Variants in DGKH observed in about 807,000 individuals in gnomAD.
The protein encoded by DGKH is diacylglycerol kinase eta, also known as DAG kinase eta.
Under a neutral mutation model 159.3 loss-of-function variants are expected in DGKH, and 90 were observed. That is an observed-to-expected ratio of 0.57 (90% CI 0.48 to 0.67). DGKH has a LOEUF of 0.67. Among genes scored for constraint, DGKH ranks in the 30% least tolerant of loss-of-function variants. The probability of loss-of-function intolerance (pLI) is 0.00; values close to 1 mark genes in which losing one functional copy is unlikely to be tolerated. For synonymous variants in DGKH, 536 were observed against 553.8 expected (o/e 0.97, Z 0.45); for missense variants, 1,181 against 1,506.1 (o/e 0.78, Z 3.57).
Position 42,199,835 on chromosome 13 carries a change from T to G in DGKH, c.2419T>G (p.Trp807Gly). 1 of 1,603,278 alleles carries G rather than the reference T, an allele frequency of 6.2e-7. No homozygotes were observed. The highest frequency in any genetic ancestry group is 8.5e-7 in the Non-Finnish European group (1 of 1,177,196). Residue 807 changes from tryptophan (W) to glycine (G), a missense_variant, in exon 20 of 30, where the codon TGG becomes GGG. Transcript: ENST00000337343. Reference sequence around the variant, plus strand: ...CAGGAGCCGAACTAAAAACTTGATGTGGTATGGAGTCCTTGGAACCCGGGA... The same window carrying G: ...CAGGAGCCGAACTAAAAACTTGATGGGGTATGGAGTCCTTGGAACCCGGGA... Reference protein sequence around the residue: ...KCRSRTKNLMWYGVLGTRELL... With the variant: ...KCRSRTKNLMGYGVLGTRELL...
chr13:42,145,178 C>T (rs1470580957), intron 3 of DGKH, among the ~76,000 whole-genome samples: 1 of 152,140 alleles, frequency 6.6e-6, no homozygotes, highest in Non-Finnish European at 1.5e-5. Context: ...TTTGTGGTCT[C>T]TGGATCCAGT....
In DGKH at chr13:42,232,007, GAC is replaced by G. The variant is rs1162039501; in HGVS notation, c.*2822_*2823del. ...TGTGCAGGGCCCAAATGACTTCACT[GAC>G]ACCTGTTTCCAGGAGGGGGTCTTCA... is the stretch of plus-strand genomic sequence containing the variant. On this transcript the variant is annotated 3_prime_UTR_variant, in exon 30 of 30. Transcript: ENST00000337343. 4 of 152,312 alleles carry G rather than the reference GAC, an allele frequency of 2.6e-5. No individual in the cohort carries two copies. Among genetic ancestry groups the G allele is most frequent in the African/African-American group, 9.6e-5 (4 of 41,554 alleles). 9.4% of individuals were successfully genotyped at this position (152,312 alleles called of 1,614,324 possible).
chr13:42,133,165 T>G (rs9533006), intron 3 of DGKH, among the ~76,000 whole-genome samples: 1 of 144,030 alleles, frequency 6.9e-6, no homozygotes, highest in African/African-American at 2.7e-5. Context: ...AGCAAGACTT[T>G]GTCTCAAAAA....
rs57139526 is a variant in DGKH at position 42,146,150 on chromosome 13, C to CTTTTTTTT, written c.385-9130_385-9123dup. Among the ~76,000 whole-genome samples, 62 of 110,270 alleles carry CTTTTTTTT rather than the reference C, an allele frequency of 5.6e-4. 4 individuals carry two copies. The highest frequency in any genetic ancestry group is 5.4e-3 in the Middle Eastern group (1 of 184). The allele number at this position is 110,270 out of a possible 152,430, so 72.3% of individuals were successfully genotyped here. ...TGTAAGAGTTCAGATTCTGGGGAGG[C>CTTTTTTTT]TTTTTTTTTTTTTTTTTTGTACAGG... On this transcript the variant is annotated intron_variant, in intron 3 of 29. Transcript: ENST00000337343.
chr13:42,168,323 A>G (rs1956359016), intron 9 of DGKH, 117 bp from the exon 10 acceptor site: 1 of 800,870 alleles, frequency 1.2e-6, no homozygotes, highest in African/African-American at 1.7e-5. Context: ...TATAATTAAC[A>G]TGTAAGTAGG....
intron 21 of DGKH, among the ~76,000 whole-genome samples, chr13:42,207,017 TTC>T (rs1491492044): frequency 2.1e-4 from 30 of 144,860 alleles, no homozygotes; most frequent in East Asian, 8.0e-4. Flanking sequence ...CTTTCTTTCT[TTC>T]TTTCTTTTTC....
intron 24 of DGKH, among the ~76,000 whole-genome samples, chr13:42,211,341 T>G (rs1303082124): frequency 6.6e-6 from 1 of 152,166 alleles, no homozygotes. Flanking sequence ...TATAAGCACA[T>G]TGTATTAGTC....
intron 6 of DGKH, 32 bp downstream of exon 6, chr13:42,159,404 C>A: frequency 7.2e-7 from 1 of 1,398,500 alleles, no homozygotes; most frequent in Non-Finnish European, 1.0e-6. Flanking sequence ...GCTCTCTTCC[C>A]ACTAACTCCT....
chr13:42,093,196 A>G (rs1187484290), intron 1 of DGKH, among the ~76,000 whole-genome samples: 1 of 151,560 alleles, frequency 6.6e-6, no homozygotes, highest in Non-Finnish European at 1.5e-5. Flanking sequence ...GTGAACTGAG[A>G]TCATGCTACT....
intron 13 of DGKH, among the ~76,000 whole-genome samples, chr13:42,184,689 A>G (rs1225113010): frequency 1.3e-5 from 2 of 152,004 alleles, no homozygotes; most frequent in Admixed American, 6.6e-5. Flanking sequence ...CAGAGAGACT[A>G]CATCTCTACC....
rs1312602730 is a variant in DGKH, at chr13:42,234,329, A to C, written c.*5141A>C. 6.6e-6 allele frequency: 1 copy of C among 152,230 alleles called. No individual in the cohort carries two copies. Among genetic ancestry groups the C allele is most frequent in the African/African-American group, 2.4e-5 (1 of 41,468 alleles). The allele number at this position is 152,230 out of a possible 1,614,324, so 9.4% of individuals were successfully genotyped here. On this transcript the variant is annotated 3_prime_UTR_variant, in exon 30 of 30. Coordinates refer to ENST00000337343, the MANE Select transcript of DGKH (RefSeq NM_178009.5). ...ACAGGAATCAAGGAAGAAAATATTC[A>C]TGCAGAGCTATGACTTAGAAAGTTA...
intron 2 of DGKH, among the ~76,000 whole-genome samples, chr13:42,128,342 G>A (rs1299906074): frequency 6.6e-6 from 1 of 152,046 alleles, no homozygotes; most frequent in Non-Finnish European, 1.5e-5. Context: ...ATAATTGGTA[G>A]GGTTGTACAC....
At chr13:42,187,182 T>C in intron 14 of DGKH, 34 bp downstream of exon 14, 2 of 1,528,934 alleles carry the variant, frequency 1.3e-6, no homozygotes, top group South Asian at 1.1e-5. Flanking sequence ...TGAGAGTTGT[T>C]TATGGACAAT....
intron 29 of DGKH, among the ~76,000 whole-genome samples, chr13:42,221,869 T>C (rs1189549280): frequency 1.3e-5 from 2 of 152,234 alleles, no homozygotes. Flanking sequence ...TACAATTTGT[T>C]GTATTTCTAA....
chr13:42,144,118 A>G (rs1594088355), intron 3 of DGKH, among the ~76,000 whole-genome samples: 1 of 152,340 alleles, frequency 6.6e-6, no homozygotes, highest in Admixed American at 6.5e-5. Flanking sequence ...ATATCTTGAC[A>G]GTTCTATCCT....
chr13:42,097,652 C>A (rs1954568035), intron 1 of DGKH, among the ~76,000 whole-genome samples: 1 of 152,158 alleles, frequency 6.6e-6, no homozygotes, highest in Admixed American at 6.5e-5. Flanking sequence ...ATAATATATT[C>A]TTGCCCTCAG....
chr13:42,042,168 GGGGCT>G (rs1880553594), intron 1 of DGKH, among the ~76,000 whole-genome samples: 2 of 152,166 alleles, frequency 1.3e-5, no homozygotes, highest in East Asian at 3.8e-4. Context: ...GGTTATCACA[GGGGCT>G]TAAGCTAGTC....
intron 3 of DGKH, among the ~76,000 whole-genome samples, chr13:42,151,273 C>T (rs1594100724): frequency 6.6e-6 from 1 of 151,840 alleles, no homozygotes; most frequent in East Asian, 2.0e-4. Flanking sequence ...CATCAGTCAC[C>T]TCCCTTCCAC....
chr13:42,220,749 A>G lies in DGKH; in HGVS notation c.3443-515A>G, dbSNP rs532008167. Reference sequence around the variant, plus strand: ...TAAATTGTGATTTAATAGCACATTGATTGCCGTTATTATCAGTAGTAGGAG... The same window carrying G: ...TAAATTGTGATTTAATAGCACATTGGTTGCCGTTATTATCAGTAGTAGGAG... On this transcript the variant is annotated intron_variant, in intron 28 of 29. Coordinates refer to ENST00000337343, the MANE Select transcript of DGKH (RefSeq NM_178009.5). 8.7e-4 allele frequency among the ~76,000 whole-genome samples: 132 copies of G among 152,344 alleles called. 1 individual carries two copies. Among genetic ancestry groups the G allele is most frequent in the Admixed American group, 8.2e-3 (125 of 15,296 alleles).
Sources: gnomAD v4.1 joint callset for allele counts (sites outside exome capture counted in the v4.1 genomes callset) on GRCh38, gnomAD v4.1.1 for gene constraint, MANE v1.5 for transcripts, NCBI Gene and HGNC (gene_info 2026-07-23, HGNC 2026-07-21) for gene names.